ADAMTS20: variants seen among roughly 807,000 people sequenced by gnomAD.
The protein encoded by ADAMTS20 is ADAM metallopeptidase with thrombospondin type 1 motif 20, also known as A disintegrin and metalloproteinase with thrombospondin motifs 20.
A neutral mutation model predicts 260.1 loss-of-function variants in ADAMTS20; 225 were observed. The observed-to-expected ratio is 0.87, with a 90% CI of 0.78 to 0.97. ADAMTS20 has a LOEUF of 0.97. Ranked by LOEUF, ADAMTS20 falls within the 50% of genes least tolerant of loss-of-function variation. ADAMTS20 has a pLI of 0.00. For synonymous variants in ADAMTS20, 802 were observed against 769.5 expected, an observed-to-expected ratio of 1.04 and a Z score of -0.70; for missense variants, 2,400 against 2,337.7, an observed-to-expected ratio of 1.03 and a Z score of -0.55.
In ADAMTS20 at chr12:43,432,691, GT is replaced by G; in HGVS notation, c.2840del (p.His947ProfsTer48). On this transcript the variant is annotated frameshift_variant, in exon 20 of 39. Transcript: ENST00000389420. LOFTEE classifies it high-confidence loss of function. ...GAGGTTTAAGCTGGTCACCACAGTA[GT>G]GGTCATCAACTTGAACAGTCTGTCC... ...HEGQTVQVDDHYCGDQLKPPT... is the reference protein window; with the variant it reads ...HEGQTVQVDDXYCGDQLKPPT... 1 of 1,613,962 alleles carries G rather than the reference GT, an allele frequency of 6.2e-7. No individual in the cohort carries two copies.
At chr12:43,371,417 A>G (rs976287639) in intron 36 of ADAMTS20, among the ~76,000 whole-genome samples, 2 of 152,236 alleles carry the variant, frequency 1.3e-5, no homozygotes, top group Non-Finnish European at 2.9e-5. Flanking sequence ...ACAGAGGCCA[A>G]TGGAACCTGA....
chr12:43,455,923 G>A lies in ADAMTS20; in HGVS notation c.1615-1871C>T, dbSNP rs1316253186. ...AGGGTTTCACCATGTTGGCCAGGAT[G>A]GTCTCAAACTCCTGCTTTCACCTTT... On this transcript the variant is annotated intron_variant, in intron 11 of 38. Coordinates refer to ENST00000389420, the MANE Select transcript of ADAMTS20 (RefSeq NM_025003.5). Among the ~76,000 whole-genome samples the A allele has an allele frequency of 4.6e-5, 7 of 152,174 alleles. No individual in the cohort carries two copies. In the South Asian group the frequency reaches 1.2e-3, roughly 27 times the overall value.
intron 7 of ADAMTS20, among the ~76,000 whole-genome samples, chr12:43,482,892 A>G (rs1942463418): frequency 6.6e-6 from 1 of 152,192 alleles, no homozygotes; most frequent in Non-Finnish European, 1.5e-5. Flanking sequence ...TGTAGGTCAG[A>G]TAACAGATTG....
chr12:43,492,594 T>C lies in ADAMTS20; in HGVS notation c.987A>G (p.Thr329=), dbSNP rs766731839. Residue 329 remains threonine (T), a synonymous_variant, in exon 6 of 39, where the codon ACA becomes ACG. Coordinates refer to ENST00000389420, the MANE Select transcript of ADAMTS20 (RefSeq NM_025003.5). ...GTTGCCATGAACAAAAGTTCTTTAA[T>C]GTGGTAGCACCATCAAAATTAATGA... ...GPVINFDGAT[T]LKNFCSWQQT... The C allele has an allele frequency of 1.1e-5, 17 of 1,613,710 alleles. No homozygotes were observed. Among genetic ancestry groups the C allele is most frequent in the African/African-American group, 1.3e-5 (1 of 74,928 alleles).
chr12:43,490,395 C>G lies in ADAMTS20; in HGVS notation c.1117G>C (p.Gly373Arg), dbSNP rs1459946494. 2.4e-6 allele frequency: 3 copies of G among 1,257,150 alleles called. No homozygotes were observed. Among genetic ancestry groups the G allele is most frequent in the Non-Finnish European group, 3.2e-6 (3 of 924,946 alleles). 77.9% of individuals were successfully genotyped at this position (1,257,150 alleles called of 1,614,324 possible). A position where few individuals can be genotyped will look rare whatever the true frequency, so the allele number is the denominator to read the frequency against. ...CSSKEKCNML[G>R]LSYLGTICDP... is the part of the protein sequence containing the mutation. ...AAACTTAATTGACAAAATAACTTAC[C>G]TAACATGTTACATTTCTCTTTAGAT... The change falls in exon 7 of 39, where the codon GGT becomes CGT. Residue 373 changes from glycine to arginine, a missense_variant and splice_region_variant. Coordinates refer to ENST00000389420, the MANE Select transcript of ADAMTS20 (RefSeq NM_025003.5).
intron 3 of ADAMTS20, among the ~76,000 whole-genome samples, chr12:43,510,815 AAAT>A (rs1209083477): frequency 6.6e-6 from 1 of 152,086 alleles, no homozygotes; most frequent in East Asian, 1.9e-4. Flanking sequence ...GAGGATGTTA[AAAT>A]AATAATAAGA....
At chr12:43,405,417 CTAATAATAA>C (rs66970122) in intron 28 of ADAMTS20, among the ~76,000 whole-genome samples, 31,947 of 135,466 alleles carry the variant, frequency 0.24, 4,188 homozygotes, top group East Asian at 0.51. Flanking sequence ...GACGTCTTCT[CTAATAATAA>C]TAATAATAAT....
At position 43,551,958 on chromosome 12, in the gene ADAMTS20, C is replaced by A; in HGVS notation, c.-37G>T. ...GGGGACCCCGATCGGGGAGGCCCAC[C>A]AGAGCCGCCGGCAGCCAAGCCGGCT... On this transcript the variant is annotated 5_prime_UTR_variant, in exon 1 of 39. Coordinates refer to ENST00000389420, the MANE Select transcript of ADAMTS20 (RefSeq NM_025003.5). This position sits in a 1 kb window ranked among gnomAD's most constrained non-coding sequence, Gnocchi z 4.6. 6.3e-7 allele frequency: 1 copy of A among 1,586,056 alleles called. No homozygotes were observed. The highest frequency in any genetic ancestry group is 8.6e-7 in the Non-Finnish European group (1 of 1,157,246).
At chr12:43,383,483 T>C in intron 31 of ADAMTS20, 75 bp downstream of exon 31, 1 of 1,432,566 alleles carries the variant, frequency 7.0e-7, no homozygotes, top group Admixed American at 2.3e-5. Flanking sequence ...TATACCCAGT[T>C]TCAGCTGTGT....
rs1021994950 is a variant in ADAMTS20 at position 43,450,836 on chromosome 12, T to C, written c.2079+1438A>G. ...TAAGGAATGGTTAAATCTAGCTAATTAACAAATGCATAACCTCACATAGTT... is the reference window on the plus strand; with the variant it reads ...TAAGGAATGGTTAAATCTAGCTAATCAACAAATGCATAACCTCACATAGTT... On this transcript the variant is annotated intron_variant, in intron 14 of 38. Transcript: ENST00000389420. Among the ~76,000 whole-genome samples, 15 of 152,126 alleles carry C rather than the reference T, an allele frequency of 9.9e-5. 1 individual carries two copies. The highest frequency in any genetic ancestry group is 1.9e-4 in the Non-Finnish European group (13 of 68,014).
At chr12:43,482,405 G>A (rs921889393) in intron 7 of ADAMTS20, among the ~76,000 whole-genome samples, 2 of 152,224 alleles carry the variant, frequency 1.3e-5, no homozygotes, top group Non-Finnish European at 2.9e-5. Context: ...GAAGTTTCGA[G>A]TTCTGAAACA....
chr12:43,531,596 A>G (rs936027652), intron 3 of ADAMTS20, among the ~76,000 whole-genome samples: 1 of 152,126 alleles, frequency 6.6e-6, no homozygotes, highest in Non-Finnish European at 1.5e-5. Context: ...GAACTCATAG[A>G]TGTAAAGAGT....
intron 10 of ADAMTS20, among the ~76,000 whole-genome samples, chr12:43,464,014 C>T (rs1291094324): frequency 1.3e-5 from 2 of 151,986 alleles, no homozygotes; most frequent in Non-Finnish European, 2.9e-5. Flanking sequence ...CCTAAATTTA[C>T]CCCCATATAA....
intron 28 of ADAMTS20, among the ~76,000 whole-genome samples, chr12:43,408,900 A>T (rs893101677): frequency 3.9e-5 from 6 of 152,116 alleles, no homozygotes; most frequent in African/African-American, 1.4e-4. Flanking sequence ...CTCAGCTGTC[A>T]GAAGCTATGA....
chr12:43,466,268 C>T (rs991587620), intron 9 of ADAMTS20, among the ~76,000 whole-genome samples: 1 of 151,944 alleles, frequency 6.6e-6, no homozygotes, highest in African/African-American at 2.4e-5. Context: ...GCACCTCAAA[C>T]TTGAGCCACT....
At chr12:43,358,445 TG>T (rs776585444) in intron 37 of ADAMTS20, among the ~76,000 whole-genome samples, 5 of 152,182 alleles carry the variant, frequency 3.3e-5, no homozygotes, top group Non-Finnish European at 5.9e-5. Flanking sequence ...CTCACTCATT[TG>T]TTCAAAATTA....
rs1942123048 is a variant in ADAMTS20, at chr12:43,464,686, A to G, written c.1414T>C (p.Tyr472His). 2 of 1,613,308 alleles carry G rather than the reference A, an allele frequency of 1.2e-6. No individual in the cohort carries two copies. The highest frequency in any genetic ancestry group is 1.7e-4 in the Middle Eastern group (1 of 6,060). ...CLLDKPDEEI[Y>H]NLPSELPGSR... ...CCAGGAAGTTCTGAAGGCAGATTAT[A>G]TATTTCTTCATCTGGTTTGTCAAGA... Residue 472 changes from tyrosine (Y) to histidine (H), a missense_variant, in exon 10 of 39, where the codon TAT becomes CAT. Tyr to His is a moderately conservative substitution (Grantham distance 83). Transcript: ENST00000389420.
chr12:43,455,571 C>T (rs1941949198), intron 11 of ADAMTS20, among the ~76,000 whole-genome samples: 1 of 152,168 alleles, frequency 6.6e-6, no homozygotes, highest in South Asian at 2.1e-4. Context: ...ATCAAACAGG[C>T]CCCATCTCCC....
rs1645859376 is a variant in ADAMTS20 at position 43,497,158 on chromosome 12, T to G, written c.868-3905A>C. Among the ~76,000 whole-genome samples, 3 of 152,190 alleles carry G rather than the reference T, an allele frequency of 2.0e-5. No homozygotes were observed. In the South Asian group the frequency reaches 6.2e-4, roughly 32 times the overall value. On this transcript the variant is annotated intron_variant, in intron 4 of 38. Coordinates refer to ENST00000389420, the MANE Select transcript of ADAMTS20 (RefSeq NM_025003.5). ...TAAATGTTAGTTTCCTTCACTTAAGTAGTTCTGACTTGTTTATAGGTTTCA... is the reference window on the plus strand; with the variant it reads ...TAAATGTTAGTTTCCTTCACTTAAGGAGTTCTGACTTGTTTATAGGTTTCA...
Sources: allele counts gnomAD v4.1 joint callset (sites outside exome capture counted in the v4.1 genomes callset), GRCh38; gene constraint gnomAD v4.1.1; non-coding constraint Gnocchi (gnomAD v3.1); transcripts MANE v1.5; gene names NCBI Gene and HGNC (gene_info 2026-07-23, HGNC 2026-07-21).